Variants in SCIN observed in about 807,000 individuals in gnomAD.
SCIN encodes the protein adseverin.
A neutral mutation model predicts 91.8 loss-of-function variants in SCIN; 91 were observed. The ratio of observed to expected loss-of-function variants is 0.99; its 90% CI spans 0.84 to 1.18. The LOEUF (loss-of-function observed/expected upper bound fraction) is 1.18. SCIN is among the 50% of genes most tolerant of loss of function. SCIN has a pLI of 0.00. For synonymous variants in SCIN, 367 were observed against 312.6 expected, an observed-to-expected ratio of 1.17 and a Z score of -1.84; for missense variants, 1,087 against 863.9, an observed-to-expected ratio of 1.26 and a Z score of -3.24.
At chr7:12,630,518 T>C (rs1014580878) in intron 9 of SCIN, among the ~76,000 whole-genome samples, 1 of 152,206 alleles carries the variant, frequency 6.6e-6, no homozygotes, top group African/African-American at 2.4e-5. Flanking sequence ...TTCTAATCTA[T>C]ACCACCACAT....
At chr7:12,587,013 G>C (rs1129315) in intron 3 of SCIN, among the ~76,000 whole-genome samples, 86,157 of 151,910 alleles carry the variant, frequency 0.57, 25,161 homozygotes, top group African/African-American at 0.72. Context: ...TTCTACTGTT[G>C]TATAGTGCTA....
chr7:12,581,237 A>G lies in SCIN; in HGVS notation c.516+16A>G, dbSNP rs1782482077. 6.5e-7 allele frequency: 1 copy of G among 1,548,640 alleles called. No individual in the cohort carries two copies. Among genetic ancestry groups the G allele is most frequent in the African/African-American group, 1.4e-5 (1 of 72,912 alleles). On this transcript the variant is annotated intron_variant, in intron 3 of 15. Coordinates refer to ENST00000297029, the MANE Select transcript of SCIN (RefSeq NM_001112706.3). Reference sequence around the variant, plus strand: ...CCTTGGCACCGTAAGTTTCATATATACACATCGATGTCTAAAGAAAAGTGA... The same window carrying G: ...CCTTGGCACCGTAAGTTTCATATATGCACATCGATGTCTAAAGAAAAGTGA...
At chr7:12,621,208 A>G (rs1380854641) in intron 4 of SCIN, among the ~76,000 whole-genome samples, 1 of 152,130 alleles carries the variant, frequency 6.6e-6, no homozygotes, top group Non-Finnish European at 1.5e-5. Flanking sequence ...TATATACCCC[A>G]GTGACCTCAA....
chr7:12,580,416 C>T (rs1038905995), intron 2 of SCIN, among the ~76,000 whole-genome samples: 1 of 152,010 alleles, frequency 6.6e-6, no homozygotes, highest in Non-Finnish European at 1.5e-5. Context: ...TGGGGATGTA[C>T]AGCCAAGATA....
At chr7:12,642,616 G>T (rs1204267182) in intron 11 of SCIN, among the ~76,000 whole-genome samples, 1 of 149,136 alleles carries the variant, frequency 6.7e-6, no homozygotes, top group Non-Finnish European at 1.5e-5. Flanking sequence ...CACTGAAATG[G>T]TTTTTATCTA....
At position 12,649,476 on chromosome 7, in the gene SCIN, AT is replaced by A; in HGVS notation, c.1893del (p.Pro632GlnfsTer9). On this transcript the variant is annotated frameshift_variant, in exon 14 of 16. Coordinates refer to ENST00000297029, the MANE Select transcript of SCIN (RefSeq NM_001112706.3). LOFTEE classifies it high-confidence loss of function. ...TTTTTATACCTTTCAGATTGAAGAG[AT>A]TCCAGGAGAGTTCACCCAGGATGAT... ...NKTGRFVIEEIPGEFTQDDLA... is the reference protein window; with the variant it reads ...NKTGRFVIEEXPGEFTQDDLA... 6.3e-7 allele frequency: 1 copy of A among 1,596,258 alleles called. No homozygotes were observed. The highest frequency in any genetic ancestry group is 8.5e-7 in the Non-Finnish European group (1 of 1,170,526).
At position 12,655,552 on chromosome 7, in the gene SCIN, A is replaced by G. The variant is rs2115309422; in HGVS notation, c.*2837A>G. The G allele has an allele frequency of 6.6e-6, 1 of 152,312 alleles. No homozygotes were observed. Among genetic ancestry groups the G allele is most frequent in the South Asian group, 2.1e-4 (1 of 4,826 alleles). 9.4% of individuals were successfully genotyped at this position (152,312 alleles called of 1,614,324 possible). ...TAAATAAATTCACAATAAAATAATC[A>G]TACTTTTATCTATCTACCAGATTAG... On this transcript the variant is annotated 3_prime_UTR_variant, in exon 16 of 16. Coordinates refer to ENST00000297029, the MANE Select transcript of SCIN (RefSeq NM_001112706.3).
chr7:12,605,466 C>T (rs901733043), intron 4 of SCIN, among the ~76,000 whole-genome samples: 2 of 152,068 alleles, frequency 1.3e-5, no homozygotes, highest in Non-Finnish European at 2.9e-5. Context: ...TTTGAATTTC[C>T]GGGGTATTGG....
In SCIN at chr7:12,655,032, G is replaced by A. The variant is rs1041407963; in HGVS notation, c.*2317G>A. Reference sequence around the variant, plus strand: ...AGTATCCGCGGGAGATTGGCTCGAGGAACCCCATGGATACCAACATCCTTG... The same window carrying A: ...AGTATCCGCGGGAGATTGGCTCGAGAAACCCCATGGATACCAACATCCTTG... On this transcript the variant is annotated 3_prime_UTR_variant, in exon 16 of 16. Coordinates refer to ENST00000297029, the MANE Select transcript of SCIN (RefSeq NM_001112706.3). 1 of 152,100 alleles carries A rather than the reference G, an allele frequency of 6.6e-6. No homozygotes were observed. Among genetic ancestry groups the A allele is most frequent in the African/African-American group, 2.4e-5 (1 of 41,414 alleles). 9.4% of individuals were successfully genotyped at this position (152,100 alleles called of 1,614,324 possible). A position where few individuals can be genotyped will look rare whatever the true frequency, so the allele number is the denominator to read the frequency against.
intron 9 of SCIN, among the ~76,000 whole-genome samples, chr7:12,635,611 C>CA (rs59324421): frequency 0.038 from 221 of 5,848 alleles, 73 homozygotes; most frequent in Non-Finnish European, 0.055. Context: ...GACTCCGTCT[C>CA]AAAAAAAAAA....
At position 12,570,937 on chromosome 7, in the gene SCIN, A is replaced by G. The variant is rs1457092060; in HGVS notation, c.151A>G (p.Thr51Ala). The G allele has an allele frequency of 1.3e-6, 2 of 1,551,314 alleles. No individual in the cohort carries two copies. Among genetic ancestry groups the G allele is most frequent in the Admixed American group, 2.0e-5 (1 of 50,996 alleles). ...CGGGGATGCCTACCTGGTGCTGCAC[A>G]CGGCCAAGACGAGCCGAGGCTTCAC... ...YVGDAYLVLH[T>A]AKTSRGFTYH... The change falls in exon 1 of 16, where the codon ACG (threonine) becomes GCG (alanine). Residue 51 changes from threonine (T) to alanine (A), a missense_variant. Physicochemically the swap from Thr to Ala is moderately conservative, Grantham distance 58. Transcript: ENST00000297029.
intron 4 of SCIN, among the ~76,000 whole-genome samples, chr7:12,615,570 G>A: frequency 6.6e-6 from 1 of 152,046 alleles, no homozygotes; most frequent in South Asian, 2.1e-4. Context: ...CCAGTATCAG[G>A]TATTTCTTTA....
intron 4 of SCIN, among the ~76,000 whole-genome samples, chr7:12,614,715 C>G (rs1472297211): frequency 3.9e-5 from 6 of 152,144 alleles, no homozygotes; most frequent in Non-Finnish European, 7.3e-5. Flanking sequence ...GAGCATTGCT[C>G]CTTGGTTCTT....
intron 1 of SCIN, among the ~76,000 whole-genome samples, chr7:12,572,136 C>G (rs1330905888): frequency 1.3e-5 from 2 of 152,092 alleles, no homozygotes; most frequent in African/African-American, 4.8e-5. Flanking sequence ...TAGTGACTGT[C>G]TAAACATTGG....
chr7:12,579,640 G>C (rs550154146), intron 2 of SCIN, among the ~76,000 whole-genome samples: 3 of 152,206 alleles, frequency 2.0e-5, no homozygotes, highest in African/African-American at 7.2e-5. Context: ...CTGTAGTCGA[G>C]CATGGTGGCT....
In SCIN at chr7:12,649,534, C is replaced by T; in HGVS notation, c.1949C>T (p.Ala650Val). Residue 650 changes from alanine (A) to valine (V), a missense_variant, in exon 14 of 16, where the codon GCT becomes GTT. Transcript: ENST00000297029. ...GAAGATGATGTCATGTTACTAGATG[C>T]TTGGGAACAGGTAAAACTACATTTT... Reference protein sequence around the residue: ...LAEDDVMLLDAWEQIFIWIGK... With the variant: ...LAEDDVMLLDVWEQIFIWIGK... 1.3e-6 allele frequency: 2 copies of T among 1,596,474 alleles called. No individual in the cohort carries two copies. Among genetic ancestry groups the T allele is most frequent in the Non-Finnish European group, 1.7e-6 (2 of 1,170,230 alleles).
intron 4 of SCIN, among the ~76,000 whole-genome samples, chr7:12,610,732 A>T (rs1783172787): frequency 6.6e-6 from 1 of 152,216 alleles, no homozygotes. Flanking sequence ...CTTAGAAAGG[A>T]TAATTCAAAT....
chr7:12,600,410 G>A (rs537241592), intron 3 of SCIN, among the ~76,000 whole-genome samples: 6 of 152,192 alleles, frequency 3.9e-5, no homozygotes, highest in Admixed American at 6.5e-5. Flanking sequence ...TAAACTGCTC[G>A]GGTGATGGGA....
chr7:12,600,048 G>A (rs780109013), intron 3 of SCIN, among the ~76,000 whole-genome samples: 30 of 152,044 alleles, frequency 2.0e-4, no homozygotes, highest in Non-Finnish European at 3.8e-4. Context: ...TGTTTTTGTT[G>A]CATTTGCTTT....
Sources: allele counts gnomAD v4.1 joint callset (sites outside exome capture counted in the v4.1 genomes callset), GRCh38; gene constraint gnomAD v4.1.1; transcripts MANE v1.5; gene names NCBI Gene and HGNC (gene_info 2026-07-23, HGNC 2026-07-21).